Variants in NUBPL observed in about 807,000 individuals in gnomAD.
NUBPL encodes the protein NUBP iron-sulfur cluster assembly factor, mitochondrial, also known as iron-sulfur cluster transfer protein NUBPL.
NUBPL carries 31 observed loss-of-function variants against 45.7 expected under a neutral mutation model. The ratio of observed to expected loss-of-function variants is 0.68; its 90% CI spans 0.51 to 0.92. The LOEUF (loss-of-function observed/expected upper bound fraction) is 0.92. Among genes scored for constraint, NUBPL ranks in the 40% least tolerant of loss-of-function variants. The pLI is 0.00. For missense variants in NUBPL, 401 were observed against 398.7 expected (o/e 1.01, Z -0.05); for synonymous variants, 144 against 140.9 (o/e 1.02, Z -0.15).
intron 6 of NUBPL, among the ~76,000 whole-genome samples, chr14:31,690,693 G>A (rs939676209): frequency 2.6e-5 from 4 of 152,236 alleles, no homozygotes; most frequent in South Asian, 4.1e-4. Context: ...ATGACTTCAC[G>A]GAATTTATGA....
intron 4 of NUBPL, among the ~76,000 whole-genome samples, chr14:31,655,002 CTGTT>C (rs1228800055): frequency 1.3e-5 from 2 of 152,192 alleles, no homozygotes; most frequent in African/African-American, 4.8e-5. Context: ...AACTCCTTAT[CTGTT>C]TGTTTTACCA....
intron 6 of NUBPL, among the ~76,000 whole-genome samples, chr14:31,691,610 T>C (rs1369368903): frequency 6.6e-6 from 1 of 152,178 alleles, no homozygotes; most frequent in African/African-American, 2.4e-5. Context: ...GACATAATGA[T>C]GCAGTGGAGC....
At chr14:31,755,160 C>T (rs1005216579) in intron 6 of NUBPL, among the ~76,000 whole-genome samples, 33 of 151,990 alleles carry the variant, frequency 2.2e-4, no homozygotes, top group Non-Finnish European at 4.1e-4. Context: ...AATAAACATA[C>T]GTGTGCATGT....
At chr14:31,821,825 A>G (rs1464505870) in intron 7 of NUBPL, among the ~76,000 whole-genome samples, 1 of 152,352 alleles carries the variant, frequency 6.6e-6, no homozygotes, top group East Asian at 1.9e-4. Context: ...AAAATGTGTT[A>G]TTTATACACA....
At chr14:31,735,979 A>G (rs1566531639) in intron 6 of NUBPL, among the ~76,000 whole-genome samples, 2 of 152,216 alleles carry the variant, frequency 1.3e-5, no homozygotes, top group Non-Finnish European at 2.9e-5. Context: ...ATAAAACATT[A>G]TAAATAAATG....
intron 6 of NUBPL, among the ~76,000 whole-genome samples, chr14:31,730,388 A>G (rs1287163252): frequency 1.3e-5 from 2 of 152,116 alleles, no homozygotes; most frequent in African/African-American, 2.4e-5. Flanking sequence ...TCAGGGTAGC[A>G]GTGAATTAAT....
At chr14:31,805,895 C>T (rs2039675735) in intron 7 of NUBPL, among the ~76,000 whole-genome samples, 1 of 150,752 alleles carries the variant, frequency 6.6e-6, no homozygotes, top group Non-Finnish European at 1.5e-5. Flanking sequence ...ACATGTAACC[C>T]CGAACCTAAA....
At chr14:31,845,349 C>G (rs80190363) in intron 8 of NUBPL, 2 of 151,990 alleles carry the variant, frequency 1.3e-5, no homozygotes, top group African/African-American at 4.8e-5. Flanking sequence ...TTTTCTCAAC[C>G]ATAGAATGAG....
At chr14:31,781,137 A>G (rs1434444829) in intron 6 of NUBPL, among the ~76,000 whole-genome samples, 1 of 152,220 alleles carries the variant, frequency 6.6e-6, no homozygotes, top group Non-Finnish European at 1.5e-5. Context: ...AGTTCAAAGT[A>G]CTTCCTTCAA....
intron 4 of NUBPL, among the ~76,000 whole-genome samples, chr14:31,649,391 C>G (rs773338844): frequency 1.3e-5 from 2 of 152,076 alleles, no homozygotes; most frequent in Non-Finnish European, 2.9e-5. Flanking sequence ...CTTAATTTCA[C>G]TGGTTTATAA....
At chr14:31,626,842 G>A (rs1411255514) in intron 4 of NUBPL, among the ~76,000 whole-genome samples, 1 of 152,206 alleles carries the variant, frequency 6.6e-6, no homozygotes, top group African/African-American at 2.4e-5. Context: ...TGATTTGCTT[G>A]TAATCATGTA....
chr14:31,833,233 G>T (rs903760013), intron 8 of NUBPL, among the ~76,000 whole-genome samples: 3 of 152,016 alleles, frequency 2.0e-5, no homozygotes, highest in Non-Finnish European at 2.9e-5. Context: ...GCCAAGTATG[G>T]TGGCATGCAA....
rs1179905165 is a variant in NUBPL, at chr14:31,599,295, G to A, written c.298G>A (p.Ala100Thr). 27 of 1,608,100 alleles carry A rather than the reference G, an allele frequency of 1.7e-5. No homozygotes were observed. Among genetic ancestry groups the A allele is most frequent in the Middle Eastern group, 1.7e-4 (1 of 6,028 alleles). The stretch of plus-strand genomic sequence containing the variant: ...TTTATTTATTTTTTTACAGTCCAAG[G>A]CCATTGGTTTGCTAGATGTGGATGT... ...LALAANDSSK[A>T]IGLLDVDVYG... Residue 100 changes from alanine (A) to threonine (T), a missense_variant, in exon 4 of 11, where the codon GCC (alanine) becomes ACC (threonine). Ala to Thr is a moderately conservative substitution (Grantham distance 58). Coordinates refer to ENST00000281081, the MANE Select transcript of NUBPL (RefSeq NM_025152.3).
chr14:31,599,184 T>A (rs1292367357), intron 3 of NUBPL, 105 bp from the exon 4 acceptor site: 1 of 847,316 alleles, frequency 1.2e-6, no homozygotes. Context: ...TTATTTTCTG[T>A]ACTCAGATTA....
intron 6 of NUBPL, among the ~76,000 whole-genome samples, chr14:31,727,319 CT>C (rs2037947271): frequency 6.6e-6 from 1 of 152,172 alleles, no homozygotes; most frequent in Non-Finnish European, 1.5e-5. Context: ...GTAATGAAGG[CT>C]TACCATATTT....
At chr14:31,756,943 C>T (rs911767524) in intron 6 of NUBPL, among the ~76,000 whole-genome samples, 12 of 147,148 alleles carry the variant, frequency 8.2e-5, no homozygotes, top group East Asian at 2.0e-4. Flanking sequence ...GCCTTTTCTG[C>T]ATCTATTGAG....
rs3035713 is a variant in NUBPL, at chr14:31,742,237, T to TACACACACACACAC, written c.514-45513_514-45500dup. Among the ~76,000 whole-genome samples, 437 of 141,466 alleles carry TACACACACACACAC rather than the reference T, an allele frequency of 3.1e-3. 1 individual carries two copies. Among genetic ancestry groups the TACACACACACACAC allele is most frequent in the Admixed American group, 5.1e-3 (71 of 14,040 alleles). The allele number at this position is 141,466 out of a possible 152,430, so 92.8% of individuals were successfully genotyped here. ...TATGAAACCAATTTTAACTATTGTG[T>TACACACACACACAC]ACACACACACACACACACACACACA... On this transcript the variant is annotated intron_variant, in intron 6 of 10. Coordinates refer to ENST00000281081, the MANE Select transcript of NUBPL (RefSeq NM_025152.3).
In NUBPL at chr14:31,793,541, G is replaced by A. The variant is rs143500739; in HGVS notation, c.607+5668G>A. Among the ~76,000 whole-genome samples, 328 of 152,230 alleles carry A rather than the reference G, an allele frequency of 2.2e-3. 3 individuals carry two copies. The highest frequency in any genetic ancestry group is 7.5e-3 in the African/African-American group (312 of 41,548). ...GACTGTTAACTTCCTGGAGGGCTAG[G>A]CTGTTTTTCTTTCATCTTTGCATTT... On this transcript the variant is annotated intron_variant, in intron 7 of 10. Coordinates refer to ENST00000281081, the MANE Select transcript of NUBPL (RefSeq NM_025152.3).
At chr14:31,630,965 G>A (rs2035325738) in intron 4 of NUBPL, among the ~76,000 whole-genome samples, 2 of 152,028 alleles carry the variant, frequency 1.3e-5, no homozygotes, top group Non-Finnish European at 2.9e-5. Context: ...TTTCTCCCCA[G>A]TATTCTGCTC....
Sources: allele counts gnomAD v4.1 joint callset (sites outside exome capture counted in the v4.1 genomes callset), GRCh38; gene constraint gnomAD v4.1.1; transcripts MANE v1.5; gene names NCBI Gene and HGNC (gene_info 2026-07-23, HGNC 2026-07-21).